SOAT1: variants seen among roughly 807,000 people sequenced by gnomAD.
SOAT1 encodes the protein sterol O-acyltransferase 1, also known as acyl-coenzyme A:cholesterol acyltransferase 1.
A neutral mutation model predicts 69.5 loss-of-function variants in SOAT1; 55 were observed. The ratio of observed to expected loss-of-function variants is 0.79; its 90% CI spans 0.64 to 0.99. SOAT1 has a LOEUF of 0.99. SOAT1 is among the 50% of genes least tolerant of loss of function. The pLI, the probability that SOAT1 is intolerant of heterozygous loss-of-function variation, is 0.00. For missense variants in SOAT1, 580 were observed against 669.3 expected, an observed-to-expected ratio of 0.87 and a Z score of 1.47; for synonymous variants, 231 against 224.7, an observed-to-expected ratio of 1.03 and a Z score of -0.25.
intron 14 of SOAT1, among the ~76,000 whole-genome samples, chr1:179,351,055 T>TGAGACAGAG (rs1164863533): frequency 5.0e-5 from 3 of 59,462 alleles, no homozygotes; most frequent in Non-Finnish European, 6.7e-5. Context: ...TTTTTTTTTT[T>TGAGACAGAG]TTTTTGAGAC....
At chr1:179,302,910 T>C (rs551984967) in intron 2 of SOAT1, 108 bp downstream of exon 2, 3 of 578,960 alleles carry the variant, frequency 5.2e-6, no homozygotes, top group South Asian at 6.0e-5. Context: ...AAATGGGTAT[T>C]GATAGAGTTT....
Position 179,345,932 on chromosome 1 carries a change from A to G in SOAT1, c.1117+856A>G, listed in dbSNP as rs80123821. On this transcript the variant is annotated intron_variant, in intron 11 of 15. Transcript: ENST00000367619. ...ATATATTTATTGCATTTTTTTGTCT[A>G]TTATAGAGATATATGAGTACCTAGT... Among the ~76,000 whole-genome samples the G allele has an allele frequency of 5.1e-3, 773 of 151,792 alleles. 6 individuals carry two copies. The highest frequency in any genetic ancestry group is 0.017 in the African/African-American group (720 of 41,388).
chr1:179,330,013 G>A (rs138943251), intron 3 of SOAT1, among the ~76,000 whole-genome samples: 4 of 152,222 alleles, frequency 2.6e-5, no homozygotes, highest in East Asian at 1.9e-4. Flanking sequence ...GTAATTGCCC[G>A]TTGGGTTCTT....
chr1:179,331,321 T>C (rs751307542), intron 3 of SOAT1, among the ~76,000 whole-genome samples: 34 of 152,228 alleles, frequency 2.2e-4, no homozygotes, highest in Non-Finnish European at 4.1e-4. Context: ...TTTCTTTGTC[T>C]ATCAGGTACT....
chr1:179,336,436 T>C (rs1666156467), intron 4 of SOAT1, among the ~76,000 whole-genome samples: 1 of 132,594 alleles, frequency 7.5e-6, no homozygotes, highest in African/African-American at 2.9e-5. Context: ...ATCATGCCAC[T>C]GCACTCCAGC....
chr1:179,305,923 A>G (rs1291325034), intron 2 of SOAT1, among the ~76,000 whole-genome samples: 1 of 152,244 alleles, frequency 6.6e-6, no homozygotes, highest in African/African-American at 2.4e-5. Context: ...AGTGAGTTAT[A>G]GTAACCAAAT....
intron 3 of SOAT1, among the ~76,000 whole-genome samples, chr1:179,327,418 T>G (rs1041318584): frequency 6.6e-6 from 1 of 152,188 alleles, no homozygotes; most frequent in Non-Finnish European, 1.5e-5. Context: ...CTCTAAAGGT[T>G]TACGTCATAA....
chr1:179,297,996 C>A (rs1169170747), intron 1 of SOAT1, among the ~76,000 whole-genome samples: 1 of 80,434 alleles, frequency 1.2e-5, no homozygotes, highest in Admixed American at 1.0e-4. Flanking sequence ...GAGTGAAACT[C>A]TGTCTCAAAA....
chr1:179,317,985 A>G (rs997230271), intron 2 of SOAT1, among the ~76,000 whole-genome samples: 4 of 152,018 alleles, frequency 2.6e-5, no homozygotes, highest in African/African-American at 7.3e-5. Context: ...CCAGGAGTTA[A>G]GTCAAGCCCA....
At chr1:179,315,817 A>T (rs1665372670) in intron 2 of SOAT1, among the ~76,000 whole-genome samples, 1 of 152,192 alleles carries the variant, frequency 6.6e-6, no homozygotes, top group Non-Finnish European at 1.5e-5. Context: ...AATCTTTTAC[A>T]GTCTCCTTAC....
chr1:179,326,758 A>C (rs969318349), intron 3 of SOAT1, among the ~76,000 whole-genome samples: 2 of 151,920 alleles, frequency 1.3e-5, no homozygotes, highest in African/African-American at 4.8e-5. Context: ...GGGTTTCACC[A>C]TGTTGGCCAG....
chr1:179,298,727 T>C lies in SOAT1; in HGVS notation c.-8-3950T>C, dbSNP rs539556813. 3.5e-4 allele frequency among the ~76,000 whole-genome samples: 53 copies of C among 152,326 alleles called. 1 individual carries two copies. In the South Asian group the frequency reaches 8.1e-3, roughly 23 times the overall value. On this transcript the variant is annotated intron_variant, in intron 1 of 15. Transcript: ENST00000367619. ...TTGGGCAAAATTATTGAACACAGACTATTTTACAATAAAGTGTTCATTATC... is the reference window on the plus strand; with the variant it reads ...TTGGGCAAAATTATTGAACACAGACCATTTTACAATAAAGTGTTCATTATC...
chr1:179,306,384 A>G (rs10798659), intron 2 of SOAT1, among the ~76,000 whole-genome samples: 75,051 of 151,616 alleles, frequency 0.5, 19,511 homozygotes, highest in East Asian at 0.84. Flanking sequence ...GAAGCACATA[A>G]TGCCAAATAG....
Position 179,339,555 on chromosome 1 carries a change from C to G in SOAT1, c.497+10C>G, listed in dbSNP as rs368208309. The G allele has an allele frequency of 6.4e-6, 10 of 1,555,526 alleles. No homozygotes were observed. The African/African-American group carries it at 1.4e-4, about 21-fold the overall frequency. On this transcript the variant is annotated intron_variant, in intron 6 of 15. Coordinates refer to ENST00000367619, the MANE Select transcript of SOAT1 (RefSeq NM_003101.6). The stretch of plus-strand genomic sequence containing the variant: ...ACATTGATGAAGGAAGGTAAGACAA[C>G]AAAAAAGATGGCTGGCTAGTTGATG...
intron 2 of SOAT1, among the ~76,000 whole-genome samples, chr1:179,308,065 C>T (rs1224032502): frequency 1.3e-5 from 2 of 152,090 alleles, no homozygotes; most frequent in Non-Finnish European, 2.9e-5. Context: ...GCTGATATTA[C>T]AGGCGTGAGC....
chr1:179,351,446 A>G lies in SOAT1; in HGVS notation c.1580A>G (p.His527Arg), dbSNP rs1359253298. ...FYSQEWYARQ[H>R]CPLKNPTFLD... ...TCTCAAGAATGGTATGCACGTCAGC[A>G]CTGTCCTCTGAAAAATGTGAGTCAC... The change falls in exon 15 of 16, where the codon CAC becomes CGC. Residue 527 changes from histidine (H) to arginine (R), a missense_variant. By Grantham distance (29) the His-to-Arg change is conservative. Coordinates refer to ENST00000367619, the MANE Select transcript of SOAT1 (RefSeq NM_003101.6). The G allele has an allele frequency of 2.3e-5, 37 of 1,612,748 alleles. No homozygotes were observed. Among genetic ancestry groups the G allele is most frequent in the Non-Finnish European group, 3.1e-5 (37 of 1,179,708 alleles).
intron 2 of SOAT1, among the ~76,000 whole-genome samples, chr1:179,309,097 T>G (rs1665130223): frequency 6.6e-6 from 1 of 152,184 alleles, no homozygotes; most frequent in African/African-American, 2.4e-5. Flanking sequence ...ATACATTCTT[T>G]TTTTGAGACG....
chr1:179,313,798 G>T (rs776511146), intron 2 of SOAT1, among the ~76,000 whole-genome samples: 16 of 152,094 alleles, frequency 1.1e-4, no homozygotes, highest in Non-Finnish European at 2.2e-4. Context: ...TGGTCAGGCT[G>T]GTCTCGAACT....
At chr1:179,345,324 T>G (rs1405640168) in intron 11 of SOAT1, among the ~76,000 whole-genome samples, 1 of 152,222 alleles carries the variant, frequency 6.6e-6, no homozygotes, top group African/African-American at 2.4e-5. Flanking sequence ...ACATTCATGC[T>G]GTGTCTTCCT....
Sources: gnomAD v4.1 joint callset for allele counts (sites outside exome capture counted in the v4.1 genomes callset) on GRCh38, gnomAD v4.1.1 for gene constraint, MANE v1.5 for transcripts, NCBI Gene and HGNC (gene_info 2026-07-23, HGNC 2026-07-21) for gene names.